The following PRKN variants were observed in gnomAD, a reference collection of about 807,000 sequenced individuals.
The protein encoded by PRKN is parkin RBR E3 ubiquitin protein ligase, also known as E3 ubiquitin-protein ligase parkin.
A neutral mutation model predicts 59.5 loss-of-function variants in PRKN; 56 were observed. The observed-to-expected ratio is 0.94, with a 90% CI of 0.76 to 1.18. The LOEUF is 1.18. Ranked by LOEUF, PRKN falls within the 50% of genes most tolerant of loss-of-function variation. PRKN has a pLI of 0.00. For synonymous variants in PRKN, 250 were observed against 222.1 expected (o/e 1.13, Z -1.12); for missense variants, 657 against 596.4 (o/e 1.10, Z -1.06).
intron 7 of PRKN, among the ~76,000 whole-genome samples, chr6:161,736,872 TG>T (rs1234283513): frequency 6.6e-6 from 1 of 152,176 alleles, no homozygotes; most frequent in Non-Finnish European, 1.5e-5. Flanking sequence ...GCTCCAAATT[TG>T]TGTTTTGTCT....
chr6:161,650,691 T>C (rs572742360), intron 7 of PRKN, among the ~76,000 whole-genome samples: 1 of 152,174 alleles, frequency 6.6e-6, no homozygotes, highest in Non-Finnish European at 1.5e-5. Flanking sequence ...TTTCGGCAAA[T>C]CTCATATCTA....
At chr6:162,058,315 A>C (rs555333152) in intron 4 of PRKN, among the ~76,000 whole-genome samples, 1 of 152,234 alleles carries the variant, frequency 6.6e-6, no homozygotes, top group African/African-American at 2.4e-5. Context: ...GAGTCAGGGG[A>C]TAATTAGGTA....
At chr6:162,072,102 G>C (rs2128290976) in intron 4 of PRKN, among the ~76,000 whole-genome samples, 2 of 152,238 alleles carry the variant, frequency 1.3e-5, no homozygotes, top group South Asian at 4.1e-4. Flanking sequence ...AATACTGAAA[G>C]AGACTTTTGC....
chr6:161,939,723 A>C (rs1006240194), intron 6 of PRKN, among the ~76,000 whole-genome samples: 3 of 152,040 alleles, frequency 2.0e-5, no homozygotes, highest in Non-Finnish European at 2.9e-5. Context: ...CAGGAGCAAA[A>C]CCTCATCTCA....
rs149875110 is a variant in PRKN at position 161,405,501 on chromosome 6, C to A, written c.1084-18624G>T. Among the ~76,000 whole-genome samples, 103 of 152,010 alleles carry A rather than the reference C, an allele frequency of 6.8e-4. No individual in the cohort carries two copies. The highest frequency in any genetic ancestry group is 3.4e-3 in the Middle Eastern group (1 of 294). On this transcript the variant is annotated intron_variant, in intron 9 of 11. Transcript: ENST00000366898. The surrounding 1 kb of genome is among the most constrained non-coding windows in gnomAD (Gnocchi z 5.1). ...GCTGGGGCAGGAGAATTGCTTGAACCCAAGATGTGCAGGTTGTAGTGACCC... is the reference window on the plus strand; with the variant it reads ...GCTGGGGCAGGAGAATTGCTTGAACACAAGATGTGCAGGTTGTAGTGACCC...
chr6:161,979,706 A>T (rs940480034), intron 5 of PRKN, among the ~76,000 whole-genome samples: 1 of 152,110 alleles, frequency 6.6e-6, no homozygotes, highest in Non-Finnish European at 1.5e-5. Context: ...CTTCTCTTTC[A>T]TCATAACTCA....
intron 6 of PRKN, among the ~76,000 whole-genome samples, chr6:161,799,145 A>C (rs1157352458): frequency 6.6e-6 from 1 of 152,186 alleles, no homozygotes; most frequent in African/African-American, 2.4e-5. Context: ...ATGGGCCACC[A>C]AGCCTAAGTT....
intron 1 of PRKN, among the ~76,000 whole-genome samples, chr6:162,715,188 G>A (rs1778676707): frequency 6.6e-6 from 1 of 152,128 alleles, no homozygotes; most frequent in Non-Finnish European, 1.5e-5. Context: ...AAATGAAGTG[G>A]GGCCCCACCC....
intron 4 of PRKN, among the ~76,000 whole-genome samples, chr6:162,146,512 A>G (rs575557444): frequency 6.7e-6 from 1 of 149,380 alleles, no homozygotes; most frequent in African/African-American, 2.5e-5. Context: ...ATATATATAA[A>G]TTTTTTTTTT....
intron 4 of PRKN, among the ~76,000 whole-genome samples, chr6:162,074,760 A>G (rs956760584): frequency 7.2e-5 from 11 of 152,286 alleles, no homozygotes; most frequent in Non-Finnish European, 1.6e-4. Flanking sequence ...GAGTCCCTCC[A>G]TGCAGGGTGT....
chr6:161,437,986 T>C (rs1266922442), intron 9 of PRKN, among the ~76,000 whole-genome samples: 3 of 152,168 alleles, frequency 2.0e-5, no homozygotes, highest in African/African-American at 7.2e-5. Flanking sequence ...AGTAATTATA[T>C]GAGCCCACAT....
chr6:161,428,300 T>C lies in PRKN; in HGVS notation c.1084-41423A>G, dbSNP rs1005308222. ...TCCTTCCATTGACTGCTACCTGATA[T>C]TGAGGAAGGTATAAGGTGTCAGATT... On this transcript the variant is annotated intron_variant, in intron 9 of 11. Coordinates refer to ENST00000366898, the MANE Select transcript of PRKN (RefSeq NM_004562.3). This position sits in a 1 kb window ranked among gnomAD's most constrained non-coding sequence, Gnocchi z 4.0. Among the ~76,000 whole-genome samples, 8 of 152,166 alleles carry C rather than the reference T, an allele frequency of 5.3e-5. No individual in the cohort carries two copies. Among genetic ancestry groups the C allele is most frequent in the East Asian group, 3.9e-4 (2 of 5,194 alleles).
At chr6:162,592,048 A>G (rs1781331263) in intron 1 of PRKN, among the ~76,000 whole-genome samples, 1 of 152,160 alleles carries the variant, frequency 6.6e-6, no homozygotes, top group African/African-American at 2.4e-5. Context: ...CTCTCAGGCT[A>G]GAGTGCAATG....
At chr6:161,692,684 C>G (rs1436732828) in intron 7 of PRKN, among the ~76,000 whole-genome samples, 2 of 152,128 alleles carry the variant, frequency 1.3e-5, no homozygotes, top group East Asian at 1.9e-4. Flanking sequence ...GGGGGCGGAT[C>G]ATTTGAGGTC....
At chr6:162,716,152 T>C (rs961981393) in intron 1 of PRKN, among the ~76,000 whole-genome samples, 2 of 152,180 alleles carry the variant, frequency 1.3e-5, no homozygotes, top group Non-Finnish European at 2.9e-5. Context: ...CAGCAAAAAA[T>C]AAATGTTTTC....
At chr6:161,666,362 T>C (rs779210623) in intron 7 of PRKN, among the ~76,000 whole-genome samples, 3 of 152,286 alleles carry the variant, frequency 2.0e-5, no homozygotes, top group Non-Finnish European at 2.9e-5. Flanking sequence ...GGGATGTAAG[T>C]TGTGTGCTCC....
At chr6:161,655,885 TACACAC>T (rs376047879) in intron 7 of PRKN, among the ~76,000 whole-genome samples, 6,140 of 56,772 alleles carry the variant, frequency 0.11, 441 homozygotes, top group African/African-American at 0.31. Flanking sequence ...CACACACACA[TACACAC>T]ACACACACAC....
At chr6:161,632,610 T>C (rs1377166392) in intron 7 of PRKN, among the ~76,000 whole-genome samples, 1 of 152,212 alleles carries the variant, frequency 6.6e-6, no homozygotes, top group African/African-American at 2.4e-5. Flanking sequence ...CATTGGAAAC[T>C]GTATTAGTCC....
chr6:162,546,081 C>T (rs1313768080), intron 1 of PRKN, among the ~76,000 whole-genome samples: 1 of 150,470 alleles, frequency 6.6e-6, no homozygotes, highest in Admixed American at 6.6e-5. Context: ...AAAGCAATTA[C>T]CATGTAAAAG....
Sources: allele counts gnomAD v4.1 joint callset (sites outside exome capture counted in the v4.1 genomes callset), GRCh38; gene constraint gnomAD v4.1.1; non-coding constraint Gnocchi (gnomAD v3.1); transcripts MANE v1.5; gene names NCBI Gene and HGNC (gene_info 2026-07-23, HGNC 2026-07-21).